TLL2: variants seen among roughly 807,000 people sequenced by gnomAD.
The protein encoded by TLL2 is tolloid-like protein 2.
In TLL2, 106 loss-of-function variants were observed where a neutral mutation model predicts 123.0. That is an observed-to-expected ratio of 0.86 (90% CI 0.74 to 1.01). TLL2 has a LOEUF of 1.01. TLL2 is among the 50% of genes least tolerant of loss of function. The pLI is 0.00. For missense variants in TLL2, 1,332 were observed against 1,336.7 expected (o/e 1.00, Z 0.06); for synonymous variants, 494 against 516.8 (o/e 0.96, Z 0.60).
At chr10:96,423,637 T>G (rs748173744) in intron 5 of TLL2, among the ~76,000 whole-genome samples, 18 of 152,080 alleles carry the variant, frequency 1.2e-4, no homozygotes, top group African/African-American at 1.9e-4. Context: ...CAACAGCAAA[T>G]GAAACAAAGA....
chr10:96,408,109 C>T (rs1846468569), intron 9 of TLL2, among the ~76,000 whole-genome samples: 2 of 152,226 alleles, frequency 1.3e-5, no homozygotes, highest in South Asian at 2.1e-4. Context: ...TATCCCACAC[C>T]GTGCTCATAT....
chr10:96,448,518 T>C (rs894205712), intron 2 of TLL2, among the ~76,000 whole-genome samples: 2 of 152,178 alleles, frequency 1.3e-5, no homozygotes, highest in African/African-American at 4.8e-5. Context: ...TGGGCATTCG[T>C]TCATTCAACA....
At chr10:96,506,160 G>T (rs1333671858) in intron 1 of TLL2, among the ~76,000 whole-genome samples, 1 of 135,562 alleles carries the variant, frequency 7.4e-6, no homozygotes, top group African/African-American at 2.7e-5. Flanking sequence ...GCTGAGGCAG[G>T]ACAATCAATT....
intron 2 of TLL2, among the ~76,000 whole-genome samples, chr10:96,459,811 G>A (rs1272344866): frequency 7.0e-6 from 1 of 142,912 alleles, no homozygotes; most frequent in East Asian, 2.1e-4. Flanking sequence ...TCTGATAGAG[G>A]AGACATCACA....
chr10:96,476,475 T>G (rs886584564), intron 2 of TLL2, among the ~76,000 whole-genome samples: 1 of 151,680 alleles, frequency 6.6e-6, no homozygotes, highest in Middle Eastern at 3.4e-3. Flanking sequence ...TTGGCCAGGC[T>G]GGTCTTGAAC....
rs1846439754 is a variant in TLL2, at chr10:96,405,334, T to C, written c.1165A>G (p.Ile389Val). ...TCCATGGATGTGAAGTTTAATACGA[T>C]CTGTAAAGAATTACCATAAAGTGAG... Reference protein sequence around the residue: ...WRISVTPGEKIVLNFTSMDLF... With the variant: ...WRISVTPGEKVVLNFTSMDLF... The change falls in exon 10 of 21, where the codon ATC (isoleucine) becomes GTC (valine). Residue 389 changes from isoleucine to valine, a missense_variant and splice_region_variant. Transcript: ENST00000357947. The C allele has an allele frequency of 1.2e-6, 2 of 1,613,974 alleles. No individual in the cohort carries two copies. Among genetic ancestry groups the C allele is most frequent in the Non-Finnish European group, 1.7e-6 (2 of 1,179,878 alleles).
chr10:96,461,322 A>C (rs1456521658), intron 2 of TLL2, among the ~76,000 whole-genome samples: 4 of 152,042 alleles, frequency 2.6e-5, no homozygotes, highest in Non-Finnish European at 5.9e-5. Context: ...GTGTGGGAGA[A>C]AGAGGAAGCA....
intron 16 of TLL2, among the ~76,000 whole-genome samples, chr10:96,383,969 A>G (rs1846208016): frequency 6.6e-6 from 1 of 152,148 alleles, no homozygotes; most frequent in Non-Finnish European, 1.5e-5. Context: ...AGTCTCAGGT[A>G]TGTTGTGAAA....
At chr10:96,467,522 C>T (rs1847142431) in intron 2 of TLL2, among the ~76,000 whole-genome samples, 1 of 152,200 alleles carries the variant, frequency 6.6e-6, no homozygotes, top group Admixed American at 6.5e-5. Flanking sequence ...TGTGAGCCAC[C>T]ATGCCTGGCC....
intron 3 of TLL2, among the ~76,000 whole-genome samples, chr10:96,442,266 G>A (rs73326427): frequency 0.011 from 1,623 of 152,276 alleles, 22 homozygotes; most frequent in African/African-American, 0.034. Flanking sequence ...ACCTGCTGCC[G>A]AAACTGGGCG....
chr10:96,495,779 T>G (rs1457445121), intron 1 of TLL2, among the ~76,000 whole-genome samples: 2 of 151,956 alleles, frequency 1.3e-5, no homozygotes, highest in Admixed American at 1.3e-4. Flanking sequence ...TAGGGTCTGT[T>G]TAGTATGAGA....
At chr10:96,471,531 G>A (rs1847183856) in intron 2 of TLL2, among the ~76,000 whole-genome samples, 3 of 152,212 alleles carry the variant, frequency 2.0e-5, no homozygotes, top group South Asian at 2.1e-4. Flanking sequence ...GAAGACAAGA[G>A]AGCCAGCAAA....
intron 1 of TLL2, among the ~76,000 whole-genome samples, chr10:96,504,596 G>A (rs1307968328): frequency 6.6e-6 from 1 of 152,094 alleles, no homozygotes. Flanking sequence ...AAGTCTCTGA[G>A]TATAGATGAG....
chr10:96,379,191 T>C (rs1846164882), intron 16 of TLL2, 99 bp from the exon 17 acceptor site: 7 of 1,437,268 alleles, frequency 4.9e-6, no homozygotes, highest in Non-Finnish European at 5.7e-6. Flanking sequence ...CTGGGAAGCC[T>C]CTCTGATTGC....
At chr10:96,427,472 C>G (rs1012221309) in intron 5 of TLL2, among the ~76,000 whole-genome samples, 1 of 152,134 alleles carries the variant, frequency 6.6e-6, no homozygotes, top group Admixed American at 6.5e-5. Flanking sequence ...CCCTTGAATT[C>G]CCTGGGGCTT....
rs59654947 is a variant in TLL2 at position 96,459,705 on chromosome 10, AATATATATATATATAT to A, written c.287-13553_287-13538del. Reference sequence around the variant, plus strand: ...AAAAAAAAAAAAAAAAAAAAAAAAAAATATATATATATATATATATATATATAGCAGCTAAAATGAA... The same window carrying A: ...AAAAAAAAAAAAAAAAAAAAAAAAAAATATATATATAGCAGCTAAAATGAA... On this transcript the variant is annotated intron_variant, in intron 2 of 20. Coordinates refer to ENST00000357947, the MANE Select transcript of TLL2 (RefSeq NM_012465.4). 2.4e-4 allele frequency among the ~76,000 whole-genome samples: 9 copies of A among 38,058 alleles called. No individual in the cohort carries two copies. The East Asian group carries it at 7.2e-3, about 30-fold the overall frequency. The allele number at this position is 38,058 out of a possible 152,430, so 25.0% of individuals were successfully genotyped here.
At chr10:96,427,485 T>A (rs1419854531) in intron 5 of TLL2, among the ~76,000 whole-genome samples, 1 of 152,222 alleles carries the variant, frequency 6.6e-6, no homozygotes, top group Non-Finnish European at 1.5e-5. Context: ...TGGGGCTTGT[T>A]TTATGACTCT....
chr10:96,424,213 A>C (rs1467069092), intron 5 of TLL2, among the ~76,000 whole-genome samples: 1 of 152,148 alleles, frequency 6.6e-6, no homozygotes, highest in Non-Finnish European at 1.5e-5. Flanking sequence ...TAAAGAAAAA[A>C]AAATGAAAGC....
chr10:96,395,963 G>C lies in TLL2; in HGVS notation c.1442C>G (p.Pro481Arg), dbSNP rs573450462. Reference sequence around the variant, plus strand: ...TTCCTTGGAAGGTCTGTAGTCATCCGGATAGTTGGGAGATTGAATCTGACC... The same window carrying C: ...TTCCTTGGAAGGTCTGTAGTCATCCCGATAGTTGGGAGATTGAATCTGACC... ...DAGQIQSPNY[P>R]DDYRPSKECV... Residue 481 changes from proline (P) to arginine (R), a missense_variant, in exon 12 of 21, where the codon CCG (proline) becomes CGG (arginine). Physicochemically the swap from Pro to Arg is moderately radical, Grantham distance 103. Transcript: ENST00000357947. 6.2e-7 allele frequency: 1 copy of C among 1,614,158 alleles called. No individual in the cohort carries two copies. The highest frequency in any genetic ancestry group is 2.2e-5 in the East Asian group (1 of 44,886).
Sources: gnomAD v4.1 joint callset for allele counts (sites outside exome capture counted in the v4.1 genomes callset) on GRCh38, gnomAD v4.1.1 for gene constraint, MANE v1.5 for transcripts, NCBI Gene and HGNC (gene_info 2026-07-23, HGNC 2026-07-21) for gene names.